The following NAV3 variants were observed in gnomAD, a reference collection of about 807,000 sequenced individuals.
NAV3 encodes pore membrane and/or filament interacting like protein 1.
A neutral mutation model predicts 244.7 loss-of-function variants in NAV3; 87 were observed. That is an observed-to-expected ratio of 0.36 (90% CI 0.30 to 0.42). The LOEUF is 0.42. Among genes scored for constraint, NAV3 ranks in the 20% least tolerant of loss-of-function variants. The pLI, the probability that NAV3 is intolerant of heterozygous loss-of-function variation, is 1.00. For synonymous variants in NAV3, 1,126 were observed against 1,042.2 expected (o/e 1.08, Z -1.55); for missense variants, 2,663 against 2,893.3 (o/e 0.92, Z 1.83).
chr12:77,940,232 C>T (rs1889735369), intron 1 of NAV3, 87 bp from the exon 2 acceptor site: 1 of 929,526 alleles, frequency 1.1e-6, no homozygotes, highest in African/African-American at 1.6e-5. Flanking sequence ...GAATAGCTTC[C>T]CTTTGAATCC....
In NAV3 at chr12:78,053,567, A is replaced by G. The variant is rs79138214; in HGVS notation, c.2516+2420A>G. 4.6e-3 allele frequency among the ~76,000 whole-genome samples: 701 copies of G among 152,274 alleles called. 1 individual carries two copies. Among genetic ancestry groups the G allele is most frequent in the Non-Finnish European group, 6.9e-3 (469 of 68,034 alleles). On this transcript the variant is annotated intron_variant, in intron 11 of 39. Coordinates refer to ENST00000397909, the MANE Select transcript of NAV3 (RefSeq NM_001024383.2). ...GGCCGGAATGAAGCTTATCTAGTGCATATTTTCTCTGTGAGATGCATTGAA... is the reference window on the plus strand; with the variant it reads ...GGCCGGAATGAAGCTTATCTAGTGCGTATTTTCTCTGTGAGATGCATTGAA...
intron 2 of NAV3, among the ~76,000 whole-genome samples, chr12:77,766,148 C>G (rs1869740906): frequency 6.6e-6 from 1 of 152,042 alleles, no homozygotes; most frequent in Non-Finnish European, 1.5e-5. Flanking sequence ...TTTTCCCCTC[C>G]CAGCTAATAA....
At chr12:77,879,710 G>GAAAAAAAAAAAAAAAAAA (rs1882382027) in intron 1 of NAV3, among the ~76,000 whole-genome samples, 1 of 99,824 alleles carries the variant, frequency 1.0e-5, no homozygotes, top group Non-Finnish European at 2.3e-5. Flanking sequence ...AAAAAAAAAG[G>GAAAAAAAAAAAAAAAAAA]AAATTATTTC....
At chr12:77,975,086 G>A (rs1272254671) in intron 5 of NAV3, among the ~76,000 whole-genome samples, 7 of 152,122 alleles carry the variant, frequency 4.6e-5, no homozygotes, top group Non-Finnish European at 1.0e-4. Flanking sequence ...GCTTAATAAT[G>A]CTCAGTCCTT....
chr12:77,585,303 T>G (rs1869548949), intron 2 of NAV3, among the ~76,000 whole-genome samples: 1 of 152,166 alleles, frequency 6.6e-6, no homozygotes, highest in African/African-American at 2.4e-5. Context: ...TAGACCTGTT[T>G]CCAGGGTCTT....
At chr12:78,070,041 C>A (rs1323752351) in intron 12 of NAV3, among the ~76,000 whole-genome samples, 1 of 152,036 alleles carries the variant, frequency 6.6e-6, no homozygotes, top group Non-Finnish European at 1.5e-5. Flanking sequence ...AATTAAATAT[C>A]CAGGAGTTCC....
At chr12:78,110,878 G>A (rs1182875158) in intron 12 of NAV3, among the ~76,000 whole-genome samples, 1 of 152,060 alleles carries the variant, frequency 6.6e-6, no homozygotes, top group African/African-American at 2.4e-5. Flanking sequence ...CAACATGGTT[G>A]AAACTGGAGT....
chr12:77,738,486 T>A (rs1425479739), intron 2 of NAV3, among the ~76,000 whole-genome samples: 1 of 152,220 alleles, frequency 6.6e-6, no homozygotes, highest in African/African-American at 2.4e-5. Flanking sequence ...TCTTCCAAAG[T>A]TTAATTCATT....
chr12:78,206,166 G>GTA (rs142385672), intron 39 of NAV3, among the ~76,000 whole-genome samples: 12,481 of 152,038 alleles, frequency 0.082, 659 homozygotes, highest in Non-Finnish European at 0.13. Context: ...AATCACTGAA[G>GTA]TATATATATA....
intron 33 of NAV3, 150 bp from the exon 34 acceptor site, chr12:78,189,834 C>T (rs370667249): frequency 7.7e-5 from 47 of 609,034 alleles, no homozygotes; most frequent in South Asian, 1.8e-4. Flanking sequence ...GAAATGGCAA[C>T]GCATATTTGT....
chr12:77,940,732 G>A (rs1009851847), intron 2 of NAV3, among the ~76,000 whole-genome samples: 1 of 152,190 alleles, frequency 6.6e-6, no homozygotes, highest in Non-Finnish European at 1.5e-5. Context: ...TCCCATGTGT[G>A]TATTTCGTTA....
intron 3 of NAV3, among the ~76,000 whole-genome samples, chr12:77,959,883 C>T (rs916808494): frequency 1.1e-4 from 14 of 123,750 alleles, no homozygotes; most frequent in Non-Finnish European, 1.7e-4. Flanking sequence ...CTTTTCTACT[C>T]CAGAGTAGTA....
chr12:78,092,841 G>A (rs573098311), intron 12 of NAV3, among the ~76,000 whole-genome samples: 2 of 152,114 alleles, frequency 1.3e-5, no homozygotes, highest in East Asian at 3.9e-4. Flanking sequence ...TATTCGCTTG[G>A]GTCTTCAGTC....
intron 18 of NAV3, among the ~76,000 whole-genome samples, 182 bp from the exon 19 acceptor site, chr12:78,136,995 A>G (rs1565705545): frequency 6.6e-6 from 1 of 152,092 alleles, no homozygotes; most frequent in Non-Finnish European, 1.5e-5. Context: ...GTGCCAGAGG[A>G]AAAGAGGGAC....
chr12:77,649,369 A>G (rs1872729453), intron 2 of NAV3, among the ~76,000 whole-genome samples: 1 of 151,996 alleles, frequency 6.6e-6, no homozygotes, highest in African/African-American at 2.4e-5. Flanking sequence ...TTAAATGTAA[A>G]CCCTGTATGG....
intron 2 of NAV3, among the ~76,000 whole-genome samples, chr12:77,756,113 T>C (rs1417151692): frequency 1.3e-5 from 2 of 152,178 alleles, no homozygotes; most frequent in East Asian, 1.9e-4. Context: ...AAAAGTATCA[T>C]CCTTCTAGAA....
At chr12:77,810,486 T>C (rs1872235291) in intron 2 of NAV3, among the ~76,000 whole-genome samples, 1 of 152,184 alleles carries the variant, frequency 6.6e-6, no homozygotes, top group Non-Finnish European at 1.5e-5. Context: ...TATATGTTTT[T>C]ATATCAATAA....
chr12:77,893,347 C>G (rs1031137486), intron 1 of NAV3, among the ~76,000 whole-genome samples: 1 of 151,906 alleles, frequency 6.6e-6, no homozygotes, highest in Non-Finnish European at 1.5e-5. Flanking sequence ...AGTAACTGAC[C>G]AATATGCTAT....
intron 26 of NAV3, 75 bp from the exon 27 acceptor site, chr12:78,177,066 T>C: frequency 6.5e-7 from 1 of 1,541,374 alleles, no homozygotes; most frequent in Non-Finnish European, 8.9e-7. Context: ...GGATGGCATC[T>C]GCAAACTAAC....
Sources: allele counts gnomAD v4.1 joint callset (sites outside exome capture counted in the v4.1 genomes callset), GRCh38; gene constraint gnomAD v4.1.1; transcripts MANE v1.5; gene names NCBI Gene and HGNC (gene_info 2026-07-23, HGNC 2026-07-21).